Variants in CEACAM3 observed in about 807,000 individuals in gnomAD.
The protein encoded by CEACAM3 is CEA cell adhesion molecule 3.
Under a neutral mutation model 30.1 loss-of-function variants are expected in CEACAM3, and 32 were observed. The ratio of observed to expected loss-of-function variants is 1.06; its 90% CI spans 0.80 to 1.43. The LOEUF (loss-of-function observed/expected upper bound fraction) is 1.43, where lower values mean the gene tolerates loss of function less well. Among genes scored for constraint, CEACAM3 ranks in the 40% most tolerant of loss-of-function variants. CEACAM3 has a pLI of 0.00. For synonymous variants in CEACAM3, 134 were observed against 127.2 expected, an observed-to-expected ratio of 1.05 and a Z score of -0.36; for missense variants, 290 against 316.3, an observed-to-expected ratio of 0.92 and a Z score of 0.63.
In CEACAM3 at chr19:41,797,716, C is replaced by T. The variant is rs2073113614; in HGVS notation, c.192C>T (p.Gly64=). 6.2e-7 allele frequency: 1 copy of T among 1,613,854 alleles called. No individual in the cohort carries two copies. The highest frequency in any genetic ancestry group is 1.7e-5 in the Admixed American group (1 of 59,994). ...LVHNLPQHLF[G]YSWYKGERVD... ...ACAATCTGCCCCAGCATCTTTTTGGCTACAGCTGGTACAAAGGGGAAAGAG... is the reference window on the plus strand; with the variant it reads ...ACAATCTGCCCCAGCATCTTTTTGGTTACAGCTGGTACAAAGGGGAAAGAG... The change falls in exon 2 of 7, where the codon GGC becomes GGT. Residue 64 remains glycine, a synonymous_variant. Coordinates refer to ENST00000357396, the MANE Select transcript of CEACAM3 (RefSeq NM_001815.5).
chr19:41,808,851 G>C lies in CEACAM3; in HGVS notation c.463G>C (p.Gly155Arg). The C allele has an allele frequency of 6.2e-7, 1 of 1,611,462 alleles. No individual in the cohort carries two copies. The highest frequency in any genetic ancestry group is 8.5e-7 in the Non-Finnish European group (1 of 1,178,660). ...APGLPVGAVAGIVTGVLVGVA... is the reference protein window; with the variant it reads ...APGLPVGAVARIVTGVLVGVA... ...AGGCCTTCCTGTGGGGGCCGTCGCC[G>C]GCATCGTGACCGGGGTCCTGGTCGG... The change falls in exon 3 of 7, where the codon GGC becomes CGC. Residue 155 changes from glycine to arginine, a missense_variant. Physicochemically the swap from Gly to Arg is moderately radical, Grantham distance 125 (BLOSUM62 -2). Transcript: ENST00000357396.
chr19:41,804,839 T>A (rs2073185606), intron 2 of CEACAM3, among the ~76,000 whole-genome samples: 1 of 138,632 alleles, frequency 7.2e-6, no homozygotes, highest in Non-Finnish European at 1.7e-5. Context: ...CCAAATTTCT[T>A]TTTTTTTTTT....
intron 2 of CEACAM3, among the ~76,000 whole-genome samples, chr19:41,803,713 GCC>G (rs2073174831): frequency 9.5e-6 from 1 of 105,556 alleles, no homozygotes; most frequent in Non-Finnish European, 2.3e-5. Flanking sequence ...TGATCTGCCC[GCC>G]TTGGCCTCCA....
In CEACAM3 at chr19:41,807,611, G is replaced by A. The variant is rs563691056; in HGVS notation, c.425-1202G>A. ...TCAGGGTCCACAGCCTGTGATGGGA[G>A]AAACAGGTGAATATCTCAGACCCAG... On this transcript the variant is annotated intron_variant, in intron 2 of 6. Transcript: ENST00000357396. 21 of 1,212,528 alleles carry A rather than the reference G, an allele frequency of 1.7e-5. No individual in the cohort carries two copies. In the East Asian group the frequency reaches 2.1e-4, roughly 12 times the overall value. The allele number at this position is 1,212,528 out of a possible 1,614,324, so 75.1% of individuals were successfully genotyped here. A position where few individuals can be genotyped will look rare whatever the true frequency, so the allele number is the denominator to read the frequency against.
intron 2 of CEACAM3, among the ~76,000 whole-genome samples, chr19:41,803,426 A>ATGTGTGTGTGTGTG (rs1164324050): frequency 1.6e-5 from 2 of 128,964 alleles, no homozygotes; most frequent in African/African-American, 5.7e-5. Flanking sequence ...TTGTGTGTGT[A>ATGTGTGTGTGTGTG]TGTGTGTGTG....
At chr19:41,810,464 C>T in intron 5 of CEACAM3, 110 bp downstream of exon 5, 1 of 1,258,618 alleles carries the variant, frequency 7.9e-7, no homozygotes, top group South Asian at 1.3e-5. Context: ...TCCCCCAAAA[C>T]ACACAGGACA....
At chr19:41,798,883 G>GAC (rs573105340) in intron 2 of CEACAM3, among the ~76,000 whole-genome samples, 117 of 152,274 alleles carry the variant, frequency 7.7e-4, no homozygotes, top group African/African-American at 2.5e-3. Flanking sequence ...GGAACAGGGA[G>GAC]ACAGTCACCG....
At chr19:41,809,212 A>AGAAGGAGGGAGG in intron 3 of CEACAM3, 1 of 161,180 alleles carries the variant, frequency 6.2e-6, no homozygotes, top group South Asian at 1.2e-4. Context: ...AGGGAGGGAG[A>AGAAGGAGGGAGG]GAAGGAGGGA....
intron 3 of CEACAM3, chr19:41,809,199 T>TGGAGGGAGGGAGAGAAGGAG (rs2073228733): frequency 1.3e-5 from 2 of 149,692 alleles, no homozygotes; most frequent in Non-Finnish European, 2.8e-5. Context: ...CACAGCTGCC[T>TGGAGGGAGGGAGAGAAGGAG]GGAGGGAGGG....
intron 2 of CEACAM3, among the ~76,000 whole-genome samples, chr19:41,803,459 T>TGTGTG (rs1209361017): frequency 4.4e-4 from 42 of 94,468 alleles, no homozygotes; most frequent in African/African-American, 1.2e-3. Flanking sequence ...TGTGTGTGTG[T>TGTGTG]TGTTTTGTTT....
intron 2 of CEACAM3, among the ~76,000 whole-genome samples, chr19:41,805,020 G>A (rs2073187074): frequency 6.6e-6 from 1 of 151,976 alleles, no homozygotes; most frequent in African/African-American, 2.4e-5. Flanking sequence ...GCTCACTGGA[G>A]CATTTTGAAA....
Position 41,796,595 on chromosome 19 carries a change from C to A in CEACAM3, c.-83C>A. 3 of 1,517,688 alleles carry A rather than the reference C, an allele frequency of 2.0e-6. No homozygotes were observed. The highest frequency in any genetic ancestry group is 2.7e-6 in the Non-Finnish European group (3 of 1,094,636). The allele number at this position is 1,517,688 out of a possible 1,614,324, so 94.0% of individuals were successfully genotyped here. Reference sequence around the variant, plus strand: ...ATGGAAAGAGGAAGGACAGCAGAGCCTAAGTCACAGTAGCCCTGACTACAG... The same window carrying A: ...ATGGAAAGAGGAAGGACAGCAGAGCATAAGTCACAGTAGCCCTGACTACAG... On this transcript the variant is annotated 5_prime_UTR_variant, in exon 1 of 7. Coordinates refer to ENST00000357396, the MANE Select transcript of CEACAM3 (RefSeq NM_001815.5).
chr19:41,799,175 C>T (rs782660752), intron 2 of CEACAM3, among the ~76,000 whole-genome samples: 1 of 152,190 alleles, frequency 6.6e-6, no homozygotes, highest in Admixed American at 6.5e-5. Flanking sequence ...TGATCCCCAA[C>T]ATTGGAGGTG....
chr19:41,808,955 C>A (rs782297311), intron 3 of CEACAM3, 25 bp downstream of exon 3: 1 of 1,497,758 alleles, frequency 6.7e-7, no homozygotes, highest in Non-Finnish European at 9.0e-7. Context: ...TCCCATCCTT[C>A]TCCCACCCCC....
rs1555825272 is a variant in CEACAM3 at position 41,796,740 on chromosome 19, A to G, written c.63A>G (p.Thr21=). 2 of 1,611,718 alleles carry G rather than the reference A, an allele frequency of 1.2e-6. No individual in the cohort carries two copies. The highest frequency in any genetic ancestry group is 1.7e-6 in the Non-Finnish European group (2 of 1,178,870). The change falls in exon 1 of 7, where the codon ACA becomes ACG. Residue 21 remains threonine (T), a splice_region_variant and synonymous_variant. Transcript: ENST00000357396. The part of the protein sequence containing the change: ...ECIPWQGLLL[T]ASLLNFWNPP... Reference sequence around the variant, plus strand: ...TCCCCTGGCAGGGGCTTCTGCTCACAGGTGAGTGGAGGATTCCTGGGAGTG... The same window carrying G: ...TCCCCTGGCAGGGGCTTCTGCTCACGGGTGAGTGGAGGATTCCTGGGAGTG...
chr19:41,801,770 A>T (rs2073150072), intron 2 of CEACAM3, among the ~76,000 whole-genome samples: 1 of 152,192 alleles, frequency 6.6e-6, no homozygotes, highest in Non-Finnish European at 1.5e-5. Context: ...GGAGTCAGTC[A>T]GTTGCCAGAA....
intron 6 of CEACAM3, 71 bp from the exon 7 acceptor site, chr19:41,811,101 A>G: frequency 6.5e-7 from 1 of 1,547,194 alleles, no homozygotes; most frequent in Non-Finnish European, 8.9e-7. Flanking sequence ...GGATGGGCCC[A>G]GAGCCTGGGA....
rs563621300 is a variant in CEACAM3 at position 41,811,461 on chromosome 19, G to A, written c.*224G>A. On this transcript the variant is annotated 3_prime_UTR_variant, in exon 7 of 7. Coordinates refer to ENST00000357396, the MANE Select transcript of CEACAM3 (RefSeq NM_001815.5). ...GTCAGGACAAAGGCCTCTCATCACCGCAGAAAGCGGGGGCTTGCAGGGAAA... is the reference window on the plus strand; with the variant it reads ...GTCAGGACAAAGGCCTCTCATCACCACAGAAAGCGGGGGCTTGCAGGGAAA... 113 of 528,840 alleles carry A rather than the reference G, an allele frequency of 2.1e-4. No homozygotes were observed. The highest frequency in any genetic ancestry group is 1.5e-3 in the South Asian group (59 of 38,836). The allele number at this position is 528,840 out of a possible 1,614,324, so 32.8% of individuals were successfully genotyped here. A position where few individuals can be genotyped will look rare whatever the true frequency, so the allele number is the denominator to read the frequency against.
At chr19:41,796,811 G>A in intron 1 of CEACAM3, 70 bp downstream of exon 1, 2 of 1,519,558 alleles carry the variant, frequency 1.3e-6, no homozygotes, top group Non-Finnish European at 1.8e-6. Context: ...TCCTGGGGAG[G>A]ATGGGGCTCT....
Sources: allele counts gnomAD v4.1 joint callset (sites outside exome capture counted in the v4.1 genomes callset), GRCh38; gene constraint gnomAD v4.1.1; transcripts MANE v1.5; gene names NCBI Gene and HGNC (gene_info 2026-07-23, HGNC 2026-07-21).